Variants in TCF4 observed in about 807,000 individuals in gnomAD.
The protein encoded by TCF4 is transcription factor 4.
Under a neutral mutation model 82.1 loss-of-function variants are expected in TCF4, and 3 were observed. That is an observed-to-expected ratio of 0.04 (90% CI 0.02 to 0.09). The LOEUF is 0.09. Among genes scored for constraint, TCF4 ranks in the 10% least tolerant of loss-of-function variants. The probability of loss-of-function intolerance (pLI) is 1.00; values close to 1 mark genes in which losing one functional copy is unlikely to be tolerated. For missense variants in TCF4, 518 were observed against 852.7 expected, an observed-to-expected ratio of 0.61 and a Z score of 4.89; for synonymous variants, 276 against 309.6, an observed-to-expected ratio of 0.89 and a Z score of 1.14.
At chr18:55,617,910 T>G (rs1225672192) in intron 2 of TCF4, among the ~76,000 whole-genome samples, 2 of 151,832 alleles carry the variant, frequency 1.3e-5, no homozygotes, top group Non-Finnish European at 2.9e-5. Flanking sequence ...AAATTTTACT[T>G]CTTCCTTTCC....
intron 3 of TCF4, among the ~76,000 whole-genome samples, chr18:55,465,772 T>C (rs938230795): frequency 1.3e-5 from 2 of 152,128 alleles, no homozygotes; most frequent in African/African-American, 4.8e-5. Flanking sequence ...AAATAAAAAG[T>C]GTATAAATAA....
intron 6 of TCF4, among the ~76,000 whole-genome samples, chr18:55,389,043 A>G (rs1024467853): frequency 6.6e-6 from 1 of 151,678 alleles, no homozygotes; most frequent in South Asian, 2.1e-4. Context: ...GAAGAATGGC[A>G]TGAACCCGGG....
chr18:55,434,256 TGAGTGACAAGCAAA>T (rs1438356694), intron 5 of TCF4, among the ~76,000 whole-genome samples: 2 of 152,202 alleles, frequency 1.3e-5, no homozygotes, highest in Non-Finnish European at 2.9e-5. Context: ...TAATTCATCT[TGAGTGACAAGCAAA>T]TGTCTACTTC....
At chr18:55,321,871 G>T (rs1326313090) in intron 8 of TCF4, 13 of 1,446,520 alleles carry the variant, frequency 9.0e-6, no homozygotes, top group African/African-American at 2.8e-5. Flanking sequence ...AATATGCAAA[G>T]CAGGAAGAGA....
chr18:55,330,617 G>GT (rs1276440258), intron 8 of TCF4, among the ~76,000 whole-genome samples: 1 of 152,080 alleles, frequency 6.6e-6, no homozygotes, highest in Non-Finnish European at 1.5e-5. Context: ...CCAGGCTGGA[G>GT]TGCAGTGGTG....
At chr18:55,275,131 T>C (rs2061205900) in intron 10 of TCF4, among the ~76,000 whole-genome samples, 1 of 151,608 alleles carries the variant, frequency 6.6e-6, no homozygotes, top group Admixed American at 6.6e-5. Flanking sequence ...CTACAGAAAA[T>C]ACAAACTCCT....
At chr18:55,249,491 G>A (rs1600109012) in intron 15 of TCF4, among the ~76,000 whole-genome samples, 1 of 152,134 alleles carries the variant, frequency 6.6e-6, no homozygotes, top group Non-Finnish European at 1.5e-5. Context: ...CCATCCCTAA[G>A]TCAACTGGAG....
intron 3 of TCF4, among the ~76,000 whole-genome samples, chr18:55,497,468 G>A (rs956172543): frequency 2.0e-5 from 3 of 152,050 alleles, no homozygotes; most frequent in African/African-American, 7.2e-5. Flanking sequence ...TATACGGCAT[G>A]CAGTTTTCAT....
chr18:55,435,679 T>C, intron 5 of TCF4, among the ~76,000 whole-genome samples: 1 of 152,212 alleles, frequency 6.6e-6, no homozygotes, highest in South Asian at 2.1e-4. Flanking sequence ...CTCTCTCTAC[T>C]TGTAGCCTTC....
At chr18:55,229,610 A>G (rs1347430636) in intron 17 of TCF4, 1 of 168,862 alleles carries the variant, frequency 5.9e-6, no homozygotes, top group East Asian at 1.6e-4. Context: ...GTAAGAAGAA[A>G]GGCCTATATG....
In TCF4 at chr18:55,227,164, A is replaced by G. The variant is rs1466168966; in HGVS notation, c.*871T>C. ...AATGAGAAGCAACATCAGGGTCAGC[A>G]TTTCATCCTGCACTACCCCTCTGGA... On this transcript the variant is annotated 3_prime_UTR_variant, in exon 20 of 20. Coordinates refer to ENST00000354452, the MANE Select transcript of TCF4 (RefSeq NM_001083962.2). 6.6e-6 allele frequency: 1 copy of G among 151,872 alleles called. No individual in the cohort carries two copies. Among genetic ancestry groups the G allele is most frequent in the Non-Finnish European group, 1.5e-5 (1 of 67,920 alleles). 9.4% of individuals were successfully genotyped at this position (151,872 alleles called of 1,614,324 possible).
chr18:55,330,859 CTGAG>C lies in TCF4; in HGVS notation c.549+19496_549+19499del, dbSNP rs201786276. ...TAGAATTACAGACGTGAGCAACTGC[CTGAG>C]TAAGTTCTAGCTTTGTAACTTACCT... On this transcript the variant is annotated intron_variant, in intron 8 of 19. Transcript: ENST00000354452. Among the ~76,000 whole-genome samples, 170 of 152,296 alleles carry C rather than the reference CTGAG, an allele frequency of 1.1e-3. 1 individual carries two copies. The East Asian group carries it at 0.023, about 21-fold the overall frequency.
intron 8 of TCF4, among the ~76,000 whole-genome samples, chr18:55,342,285 T>A (rs1462629215): frequency 1.3e-5 from 2 of 152,186 alleles, no homozygotes; most frequent in East Asian, 1.9e-4. Context: ...TAAATATTTT[T>A]AATTCCATTT....
At chr18:55,423,114 C>T (rs955703050) in intron 5 of TCF4, among the ~76,000 whole-genome samples, 3 of 151,602 alleles carry the variant, frequency 2.0e-5, no homozygotes, top group Non-Finnish European at 4.4e-5. Flanking sequence ...TTTATTTTTG[C>T]CTTAAAATTA....
chr18:55,486,920 G>A (rs1241496249), intron 3 of TCF4, among the ~76,000 whole-genome samples: 4 of 152,002 alleles, frequency 2.6e-5, no homozygotes, highest in African/African-American at 7.2e-5. Flanking sequence ...TAACTAGCAC[G>A]TCTCATAATA....
chr18:55,252,320 ACTTATC>A (rs1211325396), intron 15 of TCF4, among the ~76,000 whole-genome samples: 8 of 151,790 alleles, frequency 5.3e-5, no homozygotes, highest in African/African-American at 1.4e-4. Context: ...GAAAACAGGA[ACTTATC>A]CTTATCAGCA....
intron 8 of TCF4, among the ~76,000 whole-genome samples, chr18:55,285,672 C>T (rs540656455): frequency 5.9e-5 from 9 of 152,304 alleles, no homozygotes; most frequent in Admixed American, 2.0e-4. Context: ...AAAGGTCTAC[C>T]GGGGAGTCCC....
At chr18:55,314,866 C>T (rs2073677820) in intron 8 of TCF4, among the ~76,000 whole-genome samples, 1 of 152,100 alleles carries the variant, frequency 6.6e-6, no homozygotes, top group Admixed American at 6.6e-5. Flanking sequence ...GCAATTCCCA[C>T]TTAAACAGGA....
Position 55,228,176 on chromosome 18 carries a change from G to A in TCF4, c.*4+45C>T, listed in dbSNP as rs1389757751. On this transcript the variant is annotated intron_variant, in intron 19 of 19. Coordinates refer to ENST00000354452, the MANE Select transcript of TCF4 (RefSeq NM_001083962.2). The stretch of plus-strand genomic sequence containing the variant: ...ACTTTTATGGCTGATACACTGATGA[G>A]AGTTTTGAATGATCGATCTCAGAAA... 5 of 1,612,634 alleles carry A rather than the reference G, an allele frequency of 3.1e-6. 1 individual carries two copies. The South Asian group carries it at 4.4e-5, about 14-fold the overall frequency.
Sources: gnomAD v4.1 joint callset for allele counts (sites outside exome capture counted in the v4.1 genomes callset) on GRCh38, gnomAD v4.1.1 for gene constraint, MANE v1.5 for transcripts, NCBI Gene and HGNC (gene_info 2026-07-23, HGNC 2026-07-21) for gene names.